DNAH17: variants seen among roughly 807,000 people sequenced by gnomAD.
DNAH17 encodes the protein axonemal beta dynein heavy chain 17.
In DNAH17, 376 loss-of-function variants were observed where a neutral mutation model predicts 485.6. That is an observed-to-expected ratio of 0.77 (90% CI 0.71 to 0.84). The LOEUF (loss-of-function observed/expected upper bound fraction) is 0.84. DNAH17 is among the 40% of genes least tolerant of loss of function. The pLI, the probability that DNAH17 is intolerant of heterozygous loss-of-function variation, is 0.00. For synonymous variants in DNAH17, 3,031 were observed against 2,405.9 expected (o/e 1.26, Z -7.60); for missense variants, 6,370 against 5,839.3 (o/e 1.09, Z -2.96).
At chr17:78,484,778 C>A in intron 48 of DNAH17, 90 bp downstream of exon 48, 1 of 1,279,180 alleles carries the variant, frequency 7.8e-7, no homozygotes, top group Non-Finnish European at 1.0e-6. Context: ...CCCTACTGCC[C>A]TGGGGCTCCG....
intron 74 of DNAH17, among the ~76,000 whole-genome samples, chr17:78,434,620 T>G (rs965670382): frequency 1.3e-5 from 2 of 150,678 alleles, no homozygotes; most frequent in Non-Finnish European, 2.9e-5. Flanking sequence ...CTGGTAAAGT[T>G]CCATCAGGAT....
intron 24 of DNAH17, among the ~76,000 whole-genome samples, chr17:78,526,216 G>T (rs1429666088): frequency 6.6e-6 from 1 of 152,234 alleles, no homozygotes; most frequent in Non-Finnish European, 1.5e-5. Flanking sequence ...AGTGAAGCCT[G>T]GCTGCTGCCC....
At chr17:78,489,413 T>G (rs754113707) in intron 44 of DNAH17, 1 of 152,344 alleles carries the variant, frequency 6.6e-6, no homozygotes, top group Non-Finnish European at 1.5e-5. Context: ...CTCGCCTCAC[T>G]TCTGGCGCCT....
At chr17:78,478,746 TCACCAC>T (rs56272370) in intron 51 of DNAH17, 8 of 399,864 alleles carry the variant, frequency 2.0e-5, no homozygotes, top group African/African-American at 1.5e-4. Flanking sequence ...ATCATCACCA[TCACCAC>T]CATCACTATC....
intron 56 of DNAH17, among the ~76,000 whole-genome samples, chr17:78,465,110 T>C (rs1224493600): frequency 6.6e-6 from 1 of 152,160 alleles, no homozygotes; most frequent in African/African-American, 2.4e-5. Context: ...CTGACTGGTT[T>C]TGGTGGAGAC....
In DNAH17 at chr17:78,526,500, G is replaced by GTGCA. The variant is rs2091077397; in HGVS notation, c.3711+147_3711+150dup. ...CCCATGCATGTGCTCGCACACGTAT[G>GTGCA]TGCATGCATACACATAAGAGCACTC... is the stretch of plus-strand genomic sequence containing the variant. On this transcript the variant is annotated intron_variant, in intron 24 of 80. Transcript: ENST00000389840. 28 of 624,556 alleles carry GTGCA rather than the reference G, an allele frequency of 4.5e-5. No individual in the cohort carries two copies. The South Asian group carries it at 5.9e-4, about 13-fold the overall frequency. 38.7% of individuals were successfully genotyped at this position (624,556 alleles called of 1,614,324 possible). A position where few individuals can be genotyped will look rare whatever the true frequency, so the allele number is the denominator to read the frequency against.
chr17:78,443,293 G>A (rs976703444), intron 71 of DNAH17, among the ~76,000 whole-genome samples: 39 of 152,174 alleles, frequency 2.6e-4, no homozygotes, highest in African/African-American at 7.7e-4. Context: ...GGGTGATCCC[G>A]CTGCGATGGC....
rs917663199 is a variant in DNAH17, at chr17:78,573,033, C to A, written c.346-139G>T. The A allele has an allele frequency of 1.4e-5, 10 of 698,440 alleles. No homozygotes were observed. The African/African-American group carries it at 1.7e-4, about 12-fold the overall frequency. 43.3% of individuals were successfully genotyped at this position (698,440 alleles called of 1,614,324 possible). On this transcript the variant is annotated intron_variant, in intron 2 of 80. Coordinates refer to ENST00000389840, the MANE Select transcript of DNAH17 (RefSeq NM_173628.4). ...ACTGGGTCCCGCACAGAGCCAGGTCCCCAGGGGGATTCCAAAGACCTGGTG... is the reference window on the plus strand; with the variant it reads ...ACTGGGTCCCGCACAGAGCCAGGTCACCAGGGGGATTCCAAAGACCTGGTG...
rs1455825666 is a variant in DNAH17 at position 78,505,422 on chromosome 17, G to C, written c.4827C>G (p.Leu1609=). Residue 1609 remains leucine (L), a synonymous_variant, in exon 31 of 81, where the codon CTC becomes CTG. Coordinates refer to ENST00000389840, the MANE Select transcript of DNAH17 (RefSeq NM_173628.4). ...PVEVSRHLSK[L]FDSLCKLKFR... ...ACTTCAGTTTACACAGGCTATCGAAGAGTTTGGACAGGTGGCGGCTCACCT... is the reference window on the plus strand; with the variant it reads ...ACTTCAGTTTACACAGGCTATCGAACAGTTTGGACAGGTGGCGGCTCACCT... The C allele has an allele frequency of 1.2e-6, 2 of 1,614,040 alleles. No individual in the cohort carries two copies. The highest frequency in any genetic ancestry group is 1.7e-5 in the Admixed American group (1 of 60,028).
Position 78,455,766 on chromosome 17 carries a change from C to A in DNAH17, c.10048G>T (p.Val3350Phe), listed in dbSNP as rs375638256. ...AGCAGGACGTCCCCACACAGCGTGA[C>A]CCCCTGGCTCCTGAAGTTCTCCACA... ...ESVENFRSQG[V>F]TLCGDVLLIS... The change falls in exon 63 of 81, where the codon GTC becomes TTC. Residue 3350 changes from valine to phenylalanine, a missense_variant. Coordinates refer to ENST00000389840, the MANE Select transcript of DNAH17 (RefSeq NM_173628.4). The A allele has an allele frequency of 4.3e-6, 7 of 1,613,226 alleles. No individual in the cohort carries two copies. Among genetic ancestry groups the A allele is most frequent in the Non-Finnish European group, 5.9e-6 (7 of 1,179,646 alleles).
chr17:78,458,542 T>C (rs1329801106), intron 62 of DNAH17, 23 bp downstream of exon 62: 1 of 1,591,456 alleles, frequency 6.3e-7, no homozygotes, highest in Non-Finnish European at 8.6e-7. Flanking sequence ...AGCAGGAGGG[T>C]GGTCTCGGGG....
In DNAH17 at chr17:78,501,363, C is replaced by T; in HGVS notation, c.5323-19G>A. The T allele has an allele frequency of 1.9e-6, 3 of 1,575,074 alleles. No individual in the cohort carries two copies. The highest frequency in any genetic ancestry group is 2.6e-6 in the Non-Finnish European group (3 of 1,152,618). ...TCTCCACCTGCAGGATGAGCCGGAG[C>T]TCTTGTTGCCAGGTGGAATACAAGA... On this transcript the variant is annotated intron_variant, in intron 34 of 80. Transcript: ENST00000389840.
chr17:78,489,751 G>A (rs114788527), intron 44 of DNAH17, among the ~76,000 whole-genome samples: 1,577 of 149,504 alleles, frequency 0.011, 29 homozygotes, highest in African/African-American at 0.037. Context: ...ATCTTTCCTG[G>A]AGAGCCCAGC....
chr17:78,491,274 A>T (rs2089839936), intron 43 of DNAH17, among the ~76,000 whole-genome samples, 169 bp downstream of exon 43: 1 of 152,244 alleles, frequency 6.6e-6, no homozygotes, highest in African/African-American at 2.4e-5. Context: ...CATGTGACAA[A>T]GTCTCACGAC....
At position 78,444,590 on chromosome 17, in the gene DNAH17, G is replaced by A. The variant is rs7210235; in HGVS notation, c.11528+14C>T. On this transcript the variant is annotated intron_variant, in intron 71 of 80. Transcript: ENST00000389840. ...GCCTCGGGGGCGGGGCCCCCGGCGCGGCGGGACACTCACTTGATAGCGTAG... is the reference window on the plus strand; with the variant it reads ...GCCTCGGGGGCGGGGCCCCCGGCGCAGCGGGACACTCACTTGATAGCGTAG... The A allele has an allele frequency of 6.2e-3, 9,563 of 1,540,380 alleles. 495 individuals are homozygous for A. The African/African-American group carries it at 0.11, about 18-fold the overall frequency.
At chr17:78,515,092 C>CT (rs2090746526) in intron 25 of DNAH17, 70 bp from the exon 26 acceptor site, 2 of 1,567,286 alleles carry the variant, frequency 1.3e-6, no homozygotes, top group Non-Finnish European at 1.7e-6. Context: ...ACCCTCTTAC[C>CT]TTTCTGCACT....
At chr17:78,440,407 C>A (rs1416871199) in intron 72 of DNAH17, among the ~76,000 whole-genome samples, 1 of 151,934 alleles carries the variant, frequency 6.6e-6, no homozygotes, top group Non-Finnish European at 1.5e-5. Context: ...CAGGCGTACA[C>A]CACCATACCT....
At chr17:78,486,698 G>A (rs1249098241) in intron 44 of DNAH17, among the ~76,000 whole-genome samples, 192 bp from the exon 45 acceptor site, 1 of 152,256 alleles carries the variant, frequency 6.6e-6, no homozygotes, top group Non-Finnish European at 1.5e-5. Context: ...AGGGTCGGAG[G>A]AGGATGCCAG....
chr17:78,457,012 C>A (rs540928433), intron 62 of DNAH17, among the ~76,000 whole-genome samples: 69 of 152,332 alleles, frequency 4.5e-4, no homozygotes, highest in African/African-American at 1.5e-3. Context: ...CAGGCAGCTG[C>A]CAGCCCTGGG....
Sources: allele counts gnomAD v4.1 joint callset (sites outside exome capture counted in the v4.1 genomes callset), GRCh38; gene constraint gnomAD v4.1.1; transcripts MANE v1.5; gene names NCBI Gene and HGNC (gene_info 2026-07-23, HGNC 2026-07-21).